The following GPC6 variants were observed in gnomAD, a reference collection of about 807,000 sequenced individuals.
GPC6 encodes the protein glypican-6.
A neutral mutation model predicts 55.2 loss-of-function variants in GPC6; 14 were observed. That is an observed-to-expected ratio of 0.25 (90% CI 0.17 to 0.40). The LOEUF (loss-of-function observed/expected upper bound fraction) is 0.40. GPC6 is among the 10% of genes least tolerant of loss of function. The pLI is 1.00. For synonymous variants in GPC6, 278 were observed against 259.6 expected, an observed-to-expected ratio of 1.07 and a Z score of -0.68; for missense variants, 641 against 708.5, an observed-to-expected ratio of 0.90 and a Z score of 1.08.
At chr13:93,984,812 TTG>T (rs969134124) in intron 3 of GPC6, among the ~76,000 whole-genome samples, 1 of 152,234 alleles carries the variant, frequency 6.6e-6, no homozygotes, top group African/African-American at 2.4e-5. Flanking sequence ...GGTTTCATCT[TTG>T]TGTCATTATC....
At chr13:93,576,460 C>A (rs1032791884) in intron 2 of GPC6, among the ~76,000 whole-genome samples, 4 of 152,028 alleles carry the variant, frequency 2.6e-5, no homozygotes, top group Admixed American at 1.3e-4. Flanking sequence ...CTGTATAATT[C>A]TTTTTGCCCT....
Position 94,335,759 on chromosome 13 carries a change from T to C in GPC6, c.1152+29636T>C, listed in dbSNP as rs550385114. On this transcript the variant is annotated intron_variant, in intron 6 of 8. Coordinates refer to ENST00000377047, the MANE Select transcript of GPC6 (RefSeq NM_005708.5). ...TGAAATAATAAAGACCTTTTGGGAA[T>C]CAACTATCTTATAGAGACTCCAGAG... Among the ~76,000 whole-genome samples, 8 of 152,310 alleles carry C rather than the reference T, an allele frequency of 5.3e-5. No homozygotes were observed. The South Asian group carries it at 1.7e-3, about 32-fold the overall frequency.
At chr13:94,179,423 C>T (rs4575394) in intron 4 of GPC6, among the ~76,000 whole-genome samples, 37,496 of 151,850 alleles carry the variant, frequency 0.25, 4,760 homozygotes, top group Middle Eastern at 0.35. Flanking sequence ...AAAAATGTAC[C>T]CAGTTTCCTG....
intron 2 of GPC6, among the ~76,000 whole-genome samples, chr13:93,652,677 C>A (rs1026267158): frequency 2.0e-5 from 3 of 152,104 alleles, no homozygotes; most frequent in Non-Finnish European, 4.4e-5. Context: ...TTTGTCATTC[C>A]CTCCACCCCC....
intron 1 of GPC6, among the ~76,000 whole-genome samples, chr13:93,512,478 T>G (rs1051323531): frequency 7.9e-5 from 12 of 152,172 alleles, no homozygotes. Context: ...GATTTGTGTA[T>G]CTTGAATCAT....
At chr13:93,903,635 T>A (rs1337109141) in intron 3 of GPC6, among the ~76,000 whole-genome samples, 2 of 152,220 alleles carry the variant, frequency 1.3e-5, no homozygotes, top group African/African-American at 4.8e-5. Flanking sequence ...GAGCCTGTGC[T>A]GCTTATCTGT....
intron 2 of GPC6, among the ~76,000 whole-genome samples, chr13:93,796,117 C>A (rs1886190332): frequency 6.6e-6 from 1 of 151,576 alleles, no homozygotes; most frequent in Admixed American, 6.6e-5. Flanking sequence ...GATCACTTTC[C>A]TCTGGGAGGT....
At chr13:93,401,447 T>G (rs1453515060) in intron 1 of GPC6, among the ~76,000 whole-genome samples, 1 of 152,048 alleles carries the variant, frequency 6.6e-6, no homozygotes, top group African/African-American at 2.4e-5. Context: ...ACATGTCATA[T>G]AGTTACCATC....
intron 4 of GPC6, among the ~76,000 whole-genome samples, chr13:94,068,285 G>A (rs938040189): frequency 5.9e-5 from 9 of 151,972 alleles, no homozygotes; most frequent in African/African-American, 2.2e-4. Context: ...GATCTTGTGA[G>A]ACTTATTCAC....
intron 3 of GPC6, among the ~76,000 whole-genome samples, chr13:93,837,192 C>T (rs1236012757): frequency 6.6e-6 from 1 of 152,090 alleles, no homozygotes; most frequent in Admixed American, 6.6e-5. Flanking sequence ...TTTCCAGTAA[C>T]CTATGTCTGA....
intron 1 of GPC6, among the ~76,000 whole-genome samples, chr13:93,521,286 ATTTATTTTCT>A (rs1881410724): frequency 6.6e-6 from 1 of 151,700 alleles, no homozygotes. Context: ...CCAGGGGAAG[ATTTATTTTCT>A]TTTCTTTTCT....
intron 5 of GPC6, 135 bp downstream of exon 5, chr13:94,286,614 A>C: frequency 1.3e-6 from 1 of 771,960 alleles, no homozygotes; most frequent in Non-Finnish European, 2.1e-6. Flanking sequence ...CTGTTGAGCC[A>C]CAAATTTGCT....
intron 1 of GPC6, among the ~76,000 whole-genome samples, chr13:93,431,158 T>C (rs1018862229): frequency 1.3e-5 from 2 of 152,258 alleles, no homozygotes; most frequent in East Asian, 3.9e-4. Flanking sequence ...ATCTGGAAAT[T>C]AGTATTTCTA....
chr13:93,832,821 A>C (rs933802798), intron 3 of GPC6, among the ~76,000 whole-genome samples: 2 of 152,146 alleles, frequency 1.3e-5, no homozygotes, highest in Admixed American at 6.5e-5. Context: ...AGTGGTGAGA[A>C]ATGTATTTTC....
At chr13:93,314,710 G>C (rs943543252) in intron 1 of GPC6, among the ~76,000 whole-genome samples, 2 of 132,518 alleles carry the variant, frequency 1.5e-5, no homozygotes, top group African/African-American at 6.0e-5. Context: ...AAAACAAGGA[G>C]GGGTGTGTGT....
intron 3 of GPC6, among the ~76,000 whole-genome samples, chr13:93,840,012 C>G (rs535437349): frequency 7.6e-4 from 115 of 152,218 alleles, no homozygotes; most frequent in Non-Finnish European, 1.1e-3. Context: ...CCTTCTTTCT[C>G]TATCTTGTGG....
chr13:94,124,368 G>A (rs541636525), intron 4 of GPC6, among the ~76,000 whole-genome samples: 2 of 152,144 alleles, frequency 1.3e-5, no homozygotes, highest in African/African-American at 4.8e-5. Context: ...CATGCACTAA[G>A]TCTAAGCTCA....
chr13:93,606,393 T>G lies in GPC6; in HGVS notation c.319+60972T>G, dbSNP rs191085527. Among the ~76,000 whole-genome samples the G allele has an allele frequency of 2.0e-5, 3 of 152,292 alleles. No homozygotes were observed. In the East Asian group the frequency reaches 5.8e-4, roughly 29 times the overall value. ...GTTTTTGATAGCTCAGATATACAGG[T>G]AAGGAGGGCAATCATATGTTCACAT... On this transcript the variant is annotated intron_variant, in intron 2 of 8. Transcript: ENST00000377047.
chr13:93,756,414 A>T (rs1025383070), intron 2 of GPC6, among the ~76,000 whole-genome samples: 2 of 152,184 alleles, frequency 1.3e-5, no homozygotes, highest in African/African-American at 2.4e-5. Flanking sequence ...ACTTCCGGAC[A>T]TGCTGGTCAG....
Sources: allele counts gnomAD v4.1 joint callset (sites outside exome capture counted in the v4.1 genomes callset), GRCh38; gene constraint gnomAD v4.1.1; transcripts MANE v1.5; gene names NCBI Gene and HGNC (gene_info 2026-07-23, HGNC 2026-07-21).